Variants in PPP2R2B observed in about 807,000 individuals in gnomAD.
The protein encoded by PPP2R2B is serine/threonine-protein phosphatase 2A 55 kDa regulatory subunit B beta isoform.
In PPP2R2B, 5 loss-of-function variants were observed where a neutral mutation model predicts 46.0. The observed-to-expected ratio is 0.11, with a 90% CI of 0.06 to 0.23. The LOEUF is 0.23. Among genes scored for constraint, PPP2R2B ranks in the 10% least tolerant of loss-of-function variants. PPP2R2B has a pLI of 1.00. For synonymous variants in PPP2R2B, 215 were observed against 206.7 expected (o/e 1.04, Z -0.34); for missense variants, 367 against 575.0 (o/e 0.64, Z 3.70).
chr5:146,819,242 T>A (rs1294378686), intron 2 of PPP2R2B, among the ~76,000 whole-genome samples: 1 of 152,234 alleles, frequency 6.6e-6, no homozygotes, highest in African/African-American at 2.4e-5. Context: ...TCTTCTGTGT[T>A]GTGAGATAAA....
intron 1 of PPP2R2B, among the ~76,000 whole-genome samples, chr5:146,963,926 G>A (rs1318819835): frequency 2.6e-5 from 4 of 152,116 alleles, no homozygotes; most frequent in Non-Finnish European, 4.4e-5. Flanking sequence ...GACCTTTCAG[G>A]TCTCATTCAG....
At chr5:146,792,286 C>T (rs1348167941) in intron 2 of PPP2R2B, among the ~76,000 whole-genome samples, 2 of 152,138 alleles carry the variant, frequency 1.3e-5, no homozygotes, top group East Asian at 1.9e-4. Flanking sequence ...CTGGCCAATA[C>T]AGTGACAAAA....
At chr5:146,956,167 T>C (rs562582144) in intron 1 of PPP2R2B, among the ~76,000 whole-genome samples, 200 of 152,258 alleles carry the variant, frequency 1.3e-3, no homozygotes, top group African/African-American at 4.3e-3. Flanking sequence ...AAAATACACA[T>C]GTTCTTTGGG....
chr5:146,661,725 A>G (rs562315615), intron 5 of PPP2R2B, among the ~76,000 whole-genome samples: 2 of 152,304 alleles, frequency 1.3e-5, no homozygotes, highest in African/African-American at 2.4e-5. Flanking sequence ...CTCGCTAATT[A>G]CCAACTCATG....
chr5:146,958,107 C>T (rs1328594784), intron 1 of PPP2R2B, among the ~76,000 whole-genome samples: 1 of 151,896 alleles, frequency 6.6e-6, no homozygotes, highest in East Asian at 1.9e-4. Flanking sequence ...TCAAACAACC[C>T]ATATCCAGTG....
intron 2 of PPP2R2B, among the ~76,000 whole-genome samples, chr5:146,773,073 A>C (rs1754972101): frequency 6.6e-6 from 1 of 152,192 alleles, no homozygotes; most frequent in Admixed American, 6.6e-5. Flanking sequence ...TTGTGTTAGC[A>C]CCTAAAAGAC....
intron 1 of PPP2R2B, among the ~76,000 whole-genome samples, chr5:146,981,215 C>T (rs533886513): frequency 9.0e-4 from 137 of 152,282 alleles, no homozygotes; most frequent in African/African-American, 3.1e-3. Flanking sequence ...TCTTCCCCTG[C>T]TTCATTCAGG....
chr5:146,601,085 C>T (rs1452288209), intron 7 of PPP2R2B, among the ~76,000 whole-genome samples: 3 of 152,114 alleles, frequency 2.0e-5, no homozygotes, highest in Non-Finnish European at 4.4e-5. Flanking sequence ...ATAAAATTTT[C>T]AAGGTTCATC....
At chr5:147,010,586 T>C (rs1477775797) in intron 1 of PPP2R2B, among the ~76,000 whole-genome samples, 1 of 152,114 alleles carries the variant, frequency 6.6e-6, no homozygotes, top group Non-Finnish European at 1.5e-5. Context: ...TGTATGAGAA[T>C]CTAATGTCTT....
intron 3 of PPP2R2B, among the ~76,000 whole-genome samples, chr5:146,698,661 G>A (rs542148128): frequency 2.2e-4 from 34 of 151,864 alleles, no homozygotes; most frequent in Non-Finnish European, 3.7e-4. Context: ...CAAGGAAATG[G>A]ACAAAAGAGG....
intron 2 of PPP2R2B, among the ~76,000 whole-genome samples, chr5:146,731,007 G>A (rs1392524514): frequency 6.6e-6 from 1 of 152,212 alleles, no homozygotes; most frequent in Non-Finnish European, 1.5e-5. Context: ...ATTCAGCCAT[G>A]TACGAGGTGT....
intron 1 of PPP2R2B, among the ~76,000 whole-genome samples, chr5:146,985,240 C>T (rs546358081): frequency 2.6e-5 from 4 of 151,878 alleles, no homozygotes; most frequent in Non-Finnish European, 4.4e-5. Context: ...AGGCTGGTCT[C>T]GAACTCCTGA....
chr5:147,038,821 G>A (rs1756161397), intron 1 of PPP2R2B, among the ~76,000 whole-genome samples: 1 of 152,090 alleles, frequency 6.6e-6, no homozygotes, highest in Non-Finnish European at 1.5e-5. Context: ...GAACCCAGGT[G>A]GTCTGATCTA....
At chr5:146,616,212 C>G (rs2151044495) in intron 7 of PPP2R2B, among the ~76,000 whole-genome samples, 1 of 152,274 alleles carries the variant, frequency 6.6e-6, no homozygotes, top group African/African-American at 2.4e-5. Flanking sequence ...ATCCCAATCA[C>G]TCAACATATA....
At chr5:146,996,112 T>C (rs1393543467) in intron 1 of PPP2R2B, among the ~76,000 whole-genome samples, 1 of 152,184 alleles carries the variant, frequency 6.6e-6, no homozygotes, top group Non-Finnish European at 1.5e-5. Context: ...AGGATGTGTG[T>C]ACAGGTGTGC....
intron 9 of PPP2R2B, among the ~76,000 whole-genome samples, chr5:146,591,018 C>T (rs1329613845): frequency 6.6e-6 from 1 of 152,104 alleles, no homozygotes; most frequent in Non-Finnish European, 1.5e-5. Flanking sequence ...CACCCAATGT[C>T]TTCCAGAGGC....
intron 2 of PPP2R2B, among the ~76,000 whole-genome samples, chr5:146,845,602 G>T (rs535965886): frequency 6.6e-6 from 1 of 152,188 alleles, no homozygotes; most frequent in Non-Finnish European, 1.5e-5. Context: ...CTCCATAAAG[G>T]TGTAAGCTGA....
intron 2 of PPP2R2B, among the ~76,000 whole-genome samples, chr5:146,748,142 C>G (rs1015228915): frequency 2.0e-5 from 3 of 152,252 alleles, no homozygotes. Context: ...TTTATGATCC[C>G]CATTTAACCG....
At chr5:146,870,360 C>CTGG (rs1482411325) in intron 2 of PPP2R2B, among the ~76,000 whole-genome samples, 1 of 152,082 alleles carries the variant, frequency 6.6e-6, no homozygotes, top group Non-Finnish European at 1.5e-5. Flanking sequence ...TCTTATGGGG[C>CTGG]TGGTGCCCTT....
Sources: allele counts gnomAD v4.1 joint callset (sites outside exome capture counted in the v4.1 genomes callset), GRCh38; gene constraint gnomAD v4.1.1; transcripts MANE v1.5; gene names NCBI Gene and HGNC (gene_info 2026-07-23, HGNC 2026-07-21).